ADCY8: variants seen among roughly 807,000 people sequenced by gnomAD.
ADCY8 encodes adenylate cyclase type 8.
In ADCY8, 51 loss-of-function variants were observed where a neutral mutation model predicts 119.7. The ratio of observed to expected loss-of-function variants is 0.43; its 90% CI spans 0.34 to 0.54. The LOEUF (loss-of-function observed/expected upper bound fraction) is 0.54. Among genes scored for constraint, ADCY8 ranks in the 20% least tolerant of loss-of-function variants. The pLI, the probability that ADCY8 is intolerant of heterozygous loss-of-function variation, is 0.03. For synonymous variants in ADCY8, 665 were observed against 651.0 expected (o/e 1.02, Z -0.33); for missense variants, 1,383 against 1,598.8 (o/e 0.87, Z 2.30).
chr8:130,794,837 G>A (rs1815530089), intron 15 of ADCY8, among the ~76,000 whole-genome samples: 1 of 152,174 alleles, frequency 6.6e-6, no homozygotes, highest in Non-Finnish European at 1.5e-5. Flanking sequence ...GGAAAACTGA[G>A]GTGCATAGAG....
At chr8:130,794,351 T>A (rs1360573705) in intron 15 of ADCY8, among the ~76,000 whole-genome samples, 1 of 152,186 alleles carries the variant, frequency 6.6e-6, no homozygotes, top group Non-Finnish European at 1.5e-5. Flanking sequence ...TTCAAGTGAT[T>A]CTCCTGCCTC....
intron 15 of ADCY8, among the ~76,000 whole-genome samples, chr8:130,794,699 A>G (rs1203717875): frequency 6.6e-6 from 1 of 152,236 alleles, no homozygotes; most frequent in Non-Finnish European, 1.5e-5. Context: ...ACAGAAACTC[A>G]TTTCTCACAG....
rs1037119065 is a variant in ADCY8 at position 130,974,327 on chromosome 8, G to T, written c.1110+16066C>A. On this transcript the variant is annotated intron_variant, in intron 2 of 17. Coordinates refer to ENST00000286355, the MANE Select transcript of ADCY8 (RefSeq NM_001115.3). ...AATGGCTCTAGCTAGAGACACTAGA[G>T]ACTGATGAGATCCAGCTGGAATGGG... is the stretch of plus-strand genomic sequence containing the variant. Among the ~76,000 whole-genome samples the T allele has an allele frequency of 1.6e-4, 24 of 152,238 alleles. 1 individual carries two copies. Among genetic ancestry groups the T allele is most frequent in the African/African-American group, 4.6e-4 (19 of 41,542 alleles).
intron 9 of ADCY8, among the ~76,000 whole-genome samples, chr8:130,855,233 G>A (rs555721225): frequency 5.3e-5 from 8 of 151,864 alleles, no homozygotes; most frequent in East Asian, 2.0e-4. Context: ...GAAGAAATGC[G>A]AGTGAAAAGC....
chr8:130,869,663 G>T (rs796983247), intron 8 of ADCY8, among the ~76,000 whole-genome samples: 1 of 151,350 alleles, frequency 6.6e-6, no homozygotes, highest in Non-Finnish European at 1.5e-5. Context: ...GACTACAGGC[G>T]CCTGCCACCA....
intron 11 of ADCY8, among the ~76,000 whole-genome samples, chr8:130,838,684 G>A (rs1045405511): frequency 7.1e-6 from 1 of 140,948 alleles, no homozygotes; most frequent in African/African-American, 2.4e-5. Context: ...AAACTTATGT[G>A]GTCACAACAG....
intron 11 of ADCY8, among the ~76,000 whole-genome samples, chr8:130,838,508 CTCT>C (rs1817054162): frequency 9.4e-5 from 9 of 96,154 alleles, no homozygotes; most frequent in Admixed American, 2.2e-4. Flanking sequence ...TCCAGAGAAA[CTCT>C]AAGGCCCTCC....
intron 2 of ADCY8, among the ~76,000 whole-genome samples, chr8:130,970,184 G>A (rs1239389396): frequency 2.6e-5 from 4 of 152,134 alleles, no homozygotes; most frequent in East Asian, 3.9e-4. Flanking sequence ...ACTGGTCCAC[G>A]GCCTGTTAGG....
chr8:130,958,657 G>C (rs1821506420), intron 2 of ADCY8, among the ~76,000 whole-genome samples: 1 of 152,130 alleles, frequency 6.6e-6, no homozygotes, highest in African/African-American at 2.4e-5. Flanking sequence ...GATCTCATGA[G>C]AATTATTCAC....
chr8:130,952,735 G>A (rs1821311419), intron 2 of ADCY8, among the ~76,000 whole-genome samples: 1 of 152,196 alleles, frequency 6.6e-6, no homozygotes, highest in Non-Finnish European at 1.5e-5. Context: ...AGAGGGACCA[G>A]GTGGGGGAAG....
chr8:130,846,589 CCCTT>C (rs1386965925), intron 11 of ADCY8, among the ~76,000 whole-genome samples: 2 of 132,302 alleles, frequency 1.5e-5, no homozygotes, highest in South Asian at 2.9e-4. Context: ...TCCCCTCCCT[CCCTT>C]CCTTCCTCCC....
intron 13 of ADCY8, among the ~76,000 whole-genome samples, chr8:130,816,881 A>C (rs1481031451): frequency 6.6e-6 from 1 of 152,222 alleles, no homozygotes; most frequent in South Asian, 2.1e-4. Context: ...TTAAGTAAAT[A>C]ACTTTAGAAT....
chr8:130,838,917 G>A (rs74654261), intron 11 of ADCY8, among the ~76,000 whole-genome samples: 2 of 140,058 alleles, frequency 1.4e-5, no homozygotes, highest in African/African-American at 2.4e-5. Flanking sequence ...AGGACAAAGC[G>A]TTGTGCATTC....
intron 1 of ADCY8, among the ~76,000 whole-genome samples, chr8:131,021,216 A>G (rs1379676348): frequency 6.6e-6 from 1 of 152,216 alleles, no homozygotes. Flanking sequence ...AAAAAAATCT[A>G]GCAATGAGCA....
chr8:130,996,048 A>G (rs1419541988), intron 1 of ADCY8, among the ~76,000 whole-genome samples: 6 of 152,160 alleles, frequency 3.9e-5, no homozygotes, highest in Admixed American at 3.9e-4. Flanking sequence ...AGTAATTATC[A>G]TTTATAAAAT....
intron 12 of ADCY8, among the ~76,000 whole-genome samples, chr8:130,828,966 C>T (rs1447427348): frequency 4.6e-5 from 7 of 152,270 alleles, no homozygotes; most frequent in East Asian, 1.9e-4. Flanking sequence ...GCAAATGTCA[C>T]GTAGTCTCTC....
chr8:130,890,211 G>T (rs916239446), intron 7 of ADCY8, among the ~76,000 whole-genome samples: 11 of 141,126 alleles, frequency 7.8e-5, no homozygotes, highest in African/African-American at 2.8e-4. Flanking sequence ...TGGGGTCAGG[G>T]GAGTGGGGAG....
chr8:130,944,510 T>C (rs949065696), intron 3 of ADCY8, among the ~76,000 whole-genome samples: 7 of 152,224 alleles, frequency 4.6e-5, no homozygotes, highest in African/African-American at 1.7e-4. Context: ...TTAGTTTTAA[T>C]GAAATAGGTA....
chr8:130,886,547 A>T (rs4736717), intron 7 of ADCY8, among the ~76,000 whole-genome samples: 10 of 151,996 alleles, frequency 6.6e-5, no homozygotes, highest in Admixed American at 5.2e-4. Context: ...TTGGTCAGAA[A>T]TTTTTTTCAT....
Sources: allele counts gnomAD v4.1 joint callset (sites outside exome capture counted in the v4.1 genomes callset), GRCh38; gene constraint gnomAD v4.1.1; transcripts MANE v1.5; gene names NCBI Gene and HGNC (gene_info 2026-07-23, HGNC 2026-07-21).